PTPRN2: variants seen among roughly 807,000 people sequenced by gnomAD.
PTPRN2 encodes receptor-type tyrosine-protein phosphatase N2.
A neutral mutation model predicts 118.8 loss-of-function variants in PTPRN2; 74 were observed. The observed-to-expected ratio is 0.62, with a 90% CI of 0.52 to 0.76. The LOEUF is 0.76. PTPRN2 is among the 30% of genes least tolerant of loss of function. PTPRN2 has a pLI of 0.00. For synonymous variants in PTPRN2, 641 were observed against 608.0 expected (o/e 1.05, Z -0.80); for missense variants, 1,481 against 1,394.4 (o/e 1.06, Z -0.99).
intron 10 of PTPRN2, among the ~76,000 whole-genome samples, chr7:158,101,722 G>T (rs957014650): frequency 6.6e-6 from 1 of 152,194 alleles, no homozygotes; most frequent in Non-Finnish European, 1.5e-5. Context: ...TGGTATTTAA[G>T]AAAATCTCAC....
At chr7:157,781,852 C>T (rs901604506) in intron 12 of PTPRN2, among the ~76,000 whole-genome samples, 4 of 152,258 alleles carry the variant, frequency 2.6e-5, no homozygotes, top group African/African-American at 9.6e-5. Flanking sequence ...TGTGGCAAAC[C>T]ACACCCCACT....
In PTPRN2 at chr7:157,686,967, T is replaced by G. The variant is rs199770252; in HGVS notation, c.1789-4030A>C. ...CTTGAGAATAAGATGAAGTACAATA[T>G]CGCATATTTCTTCCTCTCAACCGTC... On this transcript the variant is annotated intron_variant, in intron 12 of 22. Transcript: ENST00000389418. 1.2e-4 allele frequency among the ~76,000 whole-genome samples: 19 copies of G among 152,294 alleles called. No homozygotes were observed. In the East Asian group the frequency reaches 3.3e-3, roughly 26 times the overall value.
chr7:157,549,566 T>C (rs1252283633), intron 21 of PTPRN2, among the ~76,000 whole-genome samples: 1 of 152,186 alleles, frequency 6.6e-6, no homozygotes, highest in Non-Finnish European at 1.5e-5. Flanking sequence ...AGCTCAGTGG[T>C]TCACCAAAAG....
chr7:157,625,894 G>T (rs544065442), intron 14 of PTPRN2, among the ~76,000 whole-genome samples: 73 of 152,286 alleles, frequency 4.8e-4, no homozygotes, highest in African/African-American at 1.7e-3. Context: ...AGAAAATGAA[G>T]ATAAGCAGAA....
At chr7:158,281,456 G>T (rs1799417846) in intron 3 of PTPRN2, among the ~76,000 whole-genome samples, 1 of 152,196 alleles carries the variant, frequency 6.6e-6, no homozygotes, top group Non-Finnish European at 1.5e-5. Context: ...AATCCAAGCG[G>T]ATGGGCACAG....
intron 12 of PTPRN2, among the ~76,000 whole-genome samples, chr7:157,826,090 C>T (rs1807152635): frequency 6.6e-6 from 1 of 152,160 alleles, no homozygotes; most frequent in African/African-American, 2.4e-5. Flanking sequence ...TCACCACAGT[C>T]ATCACAATGA....
chr7:158,481,770 T>C lies in PTPRN2; in HGVS notation c.163+7965A>G, dbSNP rs747280252. Among the ~76,000 whole-genome samples the C allele has an allele frequency of 2.0e-5, 3 of 152,232 alleles. No homozygotes were observed. In the South Asian group the frequency reaches 6.2e-4, roughly 32 times the overall value. On this transcript the variant is annotated intron_variant, in intron 2 of 22. Transcript: ENST00000389418. The stretch of plus-strand genomic sequence containing the variant: ...AGCCACTGCACCCAGCCAAGACTTA[T>C]ATTTTAGAAACACACTTTGTAAGAT...
chr7:158,150,155 C>G (rs533417351), intron 6 of PTPRN2, among the ~76,000 whole-genome samples: 1 of 152,344 alleles, frequency 6.6e-6, no homozygotes, highest in East Asian at 1.9e-4. Flanking sequence ...CTGTTCCCTG[C>G]AGGCTCCTGT....
rs995127935 is a variant in PTPRN2, at chr7:157,880,113, TC to T, written c.1788+18559del. Among the ~76,000 whole-genome samples the T allele has an allele frequency of 2.0e-5, 3 of 152,220 alleles. No individual in the cohort carries two copies. In the East Asian group the frequency reaches 5.8e-4, roughly 29 times the overall value. ...TTAACGAGGGATTAAATATTGTTTT[TC>T]ATCCCCGTAATCTAAGACGGACTGG... On this transcript the variant is annotated intron_variant, in intron 12 of 22. Coordinates refer to ENST00000389418, the MANE Select transcript of PTPRN2 (RefSeq NM_002847.5).
At chr7:157,762,615 G>C (rs1232964533) in intron 12 of PTPRN2, among the ~76,000 whole-genome samples, 1 of 117,690 alleles carries the variant, frequency 8.5e-6, no homozygotes, top group African/African-American at 3.2e-5. Context: ...GAGGGGGGAG[G>C]GATAGCAATG....
At chr7:158,534,590 C>A (rs1420408981) in intron 1 of PTPRN2, among the ~76,000 whole-genome samples, 2 of 152,182 alleles carry the variant, frequency 1.3e-5, no homozygotes, top group African/African-American at 4.8e-5. Context: ...ACCCCAAGAG[C>A]CTCCATCCAT....
intron 12 of PTPRN2, among the ~76,000 whole-genome samples, chr7:157,853,397 C>G (rs1434754824): frequency 1.3e-5 from 2 of 152,180 alleles, no homozygotes; most frequent in Non-Finnish European, 2.9e-5. Flanking sequence ...CATCCCGCAC[C>G]GTGCCCACTT....
At chr7:158,540,632 G>A (rs1321454581) in intron 1 of PTPRN2, among the ~76,000 whole-genome samples, 1 of 152,190 alleles carries the variant, frequency 6.6e-6, no homozygotes, top group East Asian at 1.9e-4. Flanking sequence ...CCCACATCCA[G>A]ACGAGACCAC....
At chr7:157,588,702 C>T (rs1250590692) in intron 17 of PTPRN2, among the ~76,000 whole-genome samples, 2 of 152,236 alleles carry the variant, frequency 1.3e-5, no homozygotes, top group Non-Finnish European at 2.9e-5. Context: ...AACACCTACT[C>T]TGGAAATGCC....
At chr7:157,931,660 G>C (rs535890695) in intron 11 of PTPRN2, among the ~76,000 whole-genome samples, 1 of 145,312 alleles carries the variant, frequency 6.9e-6, no homozygotes, top group East Asian at 2.3e-4. Flanking sequence ...GTAAGCTCTG[G>C]CTCTTACATG....
At chr7:157,631,963 C>A (rs747997760) in intron 14 of PTPRN2, among the ~76,000 whole-genome samples, 1 of 152,094 alleles carries the variant, frequency 6.6e-6, no homozygotes, top group African/African-American at 2.4e-5. Context: ...AATAGAGGCA[C>A]TGGGACATGA....
intron 11 of PTPRN2, among the ~76,000 whole-genome samples, chr7:157,982,148 A>C (rs1803251705): frequency 9.4e-6 from 1 of 106,298 alleles, no homozygotes; most frequent in African/African-American, 3.4e-5. Flanking sequence ...TCCCCCATAA[A>C]CCCCGAGTCA....
chr7:158,386,408 AGAGTCCCTCCTCCCATGCCCC>A (rs1304470748), intron 2 of PTPRN2, among the ~76,000 whole-genome samples: 21 of 78,158 alleles, frequency 2.7e-4, no homozygotes, highest in African/African-American at 6.0e-4. Flanking sequence ...TCCCATGCCC[AGAGTCCCTCCTCCCATGCCCC>A]GAGTCCCTCC....
At chr7:158,200,388 G>C (rs755691506) in intron 4 of PTPRN2, among the ~76,000 whole-genome samples, 1 of 152,152 alleles carries the variant, frequency 6.6e-6, no homozygotes, top group African/African-American at 2.4e-5. Flanking sequence ...CGCAGCCCCC[G>C]TGTGCTAAGC....
Sources: gnomAD v4.1 joint callset for allele counts (sites outside exome capture counted in the v4.1 genomes callset) on GRCh38, gnomAD v4.1.1 for gene constraint, MANE v1.5 for transcripts, NCBI Gene and HGNC (gene_info 2026-07-23, HGNC 2026-07-21) for gene names.